The following ADGRL3 variants were observed in gnomAD, a reference collection of about 807,000 sequenced individuals.
ADGRL3 encodes adhesion G protein-coupled receptor L3, also known as calcium-independent alpha-latrotoxin receptor 3.
In ADGRL3, 62 loss-of-function variants were observed where a neutral mutation model predicts 153.5. The observed-to-expected ratio is 0.40, with a 90% CI of 0.33 to 0.50. ADGRL3 has a LOEUF of 0.50. ADGRL3 is among the 20% of genes least tolerant of loss of function. ADGRL3 has a pLI of 0.47. For missense variants in ADGRL3, 1,641 were observed against 1,859.4 expected (o/e 0.88, Z 2.16); for synonymous variants, 710 against 672.5 (o/e 1.06, Z -0.86).
rs1271747414 is a variant in ADGRL3, at chr4:61,415,188, A to G, written c.-174+31999A>G. Reference sequence around the variant, plus strand: ...CTATTTTTGGCCTATTTCTATTATAATATCAAGGACCTCAGCTGAGATACT... The same window carrying G: ...CTATTTTTGGCCTATTTCTATTATAGTATCAAGGACCTCAGCTGAGATACT... On this transcript the variant is annotated intron_variant, in intron 2 of 26. Coordinates refer to ENST00000683033, the MANE Select transcript of ADGRL3 (RefSeq NM_001387552.1). Among the ~76,000 whole-genome samples the G allele has an allele frequency of 2.0e-5, 3 of 151,938 alleles. No individual in the cohort carries two copies. In the East Asian group the frequency reaches 5.8e-4, roughly 29 times the overall value.
intron 1 of ADGRL3, among the ~76,000 whole-genome samples, chr4:61,378,088 G>C (rs1468677916): frequency 6.6e-6 from 1 of 151,834 alleles, no homozygotes; most frequent in African/African-American, 2.4e-5. Context: ...TATTTACTAA[G>C]ATTTGTTTTT....
At position 61,648,524 on chromosome 4, in the gene ADGRL3, GT is replaced by G. The variant is rs67817156; in HGVS notation, c.474-28293del. On this transcript the variant is annotated intron_variant, in intron 5 of 26. Coordinates refer to ENST00000683033, the MANE Select transcript of ADGRL3 (RefSeq NM_001387552.1). ...ATTAATTTGCATTAGGAATTTTTTT[GT>G]TTTTTTTTCTGTTTCTTTTGGGGTT... is the stretch of plus-strand genomic sequence containing the variant. Among the ~76,000 whole-genome samples the G allele has an allele frequency of 2.0e-5, 3 of 147,602 alleles. No individual in the cohort carries two copies. In the East Asian group the frequency reaches 6.0e-4, roughly 30 times the overall value.
intron 4 of ADGRL3, among the ~76,000 whole-genome samples, chr4:61,564,603 T>C (rs966833949): frequency 6.6e-6 from 1 of 152,210 alleles, no homozygotes; most frequent in South Asian, 2.1e-4. Context: ...CATATGTGAC[T>C]GGAATATCCT....
chr4:61,686,976 ATTC>A (rs1334113454), intron 6 of ADGRL3, among the ~76,000 whole-genome samples: 6 of 152,078 alleles, frequency 3.9e-5, no homozygotes, highest in South Asian at 4.1e-4. Context: ...ACAGAATTAT[ATTC>A]TTTTTTATGT....
intron 1 of ADGRL3, among the ~76,000 whole-genome samples, chr4:61,222,140 T>C (rs115216365): frequency 0.019 from 2,939 of 152,262 alleles, 104 homozygotes; most frequent in African/African-American, 0.066. Context: ...TAATCTCATA[T>C]TGAGATGCCT....
chr4:61,721,186 G>A (rs1019600110), intron 6 of ADGRL3, among the ~76,000 whole-genome samples: 2 of 152,104 alleles, frequency 1.3e-5, no homozygotes, highest in African/African-American at 2.4e-5. Context: ...TATGTGAAGG[G>A]GAGTTTATTA....
intron 1 of ADGRL3, among the ~76,000 whole-genome samples, chr4:61,250,812 A>T (rs1758938424): frequency 6.6e-6 from 1 of 152,200 alleles, no homozygotes; most frequent in Admixed American, 6.6e-5. Context: ...AAGGTCACTT[A>T]AATGCCTAAA....
At chr4:61,842,113 CT>C (rs1289208403) in intron 9 of ADGRL3, among the ~76,000 whole-genome samples, 1 of 151,968 alleles carries the variant, frequency 6.6e-6, no homozygotes, top group Non-Finnish European at 1.5e-5. Context: ...TAAAAAGGCA[CT>C]AGTGAATAAA....
intron 9 of ADGRL3, among the ~76,000 whole-genome samples, chr4:61,886,987 T>C (rs1269991618): frequency 6.6e-6 from 1 of 151,760 alleles, no homozygotes; most frequent in African/African-American, 2.4e-5. Flanking sequence ...AGTGAGACTA[T>C]AGACACCCAC....
At chr4:61,458,273 T>C (rs2097774818) in intron 2 of ADGRL3, among the ~76,000 whole-genome samples, 1 of 151,468 alleles carries the variant, frequency 6.6e-6, no homozygotes, top group Non-Finnish European at 1.5e-5. Flanking sequence ...ATGAAAAACT[T>C]ATTTATTTCA....
intron 5 of ADGRL3, among the ~76,000 whole-genome samples, chr4:61,673,167 T>G (rs1248950586): frequency 6.6e-6 from 1 of 151,872 alleles, no homozygotes; most frequent in Non-Finnish European, 1.5e-5. Flanking sequence ...AATGGTAGTT[T>G]CCAGAAGCTA....
At chr4:61,966,047 A>G (rs1174125784) in intron 17 of ADGRL3, among the ~76,000 whole-genome samples, 1 of 152,190 alleles carries the variant, frequency 6.6e-6, no homozygotes, top group Admixed American at 6.5e-5. Context: ...CTTAAAATGC[A>G]ATACATTTAT....
chr4:61,983,258 C>T, intron 18 of ADGRL3, 125 bp from the exon 19 acceptor site: 7 of 652,366 alleles, frequency 1.1e-5, no homozygotes, highest in Middle Eastern at 4.3e-4. Flanking sequence ...AAGAATCTTC[C>T]CTAGGTTATT....
intron 1 of ADGRL3, among the ~76,000 whole-genome samples, chr4:61,362,802 G>T (rs2096309949): frequency 6.6e-6 from 1 of 151,908 alleles, no homozygotes; most frequent in African/African-American, 2.4e-5. Flanking sequence ...TGTTGTTTAA[G>T]AGTCAAACTA....
chr4:61,900,544 T>TA (rs2098658684), intron 11 of ADGRL3, among the ~76,000 whole-genome samples: 1 of 151,856 alleles, frequency 6.6e-6, no homozygotes, highest in Admixed American at 6.6e-5. Flanking sequence ...TGAGATTTAA[T>TA]AAAAAACATA....
At chr4:61,292,340 G>T (rs2094251658) in intron 1 of ADGRL3, among the ~76,000 whole-genome samples, 1 of 152,048 alleles carries the variant, frequency 6.6e-6, no homozygotes, top group South Asian at 2.1e-4. Flanking sequence ...TGATAAAAAT[G>T]AGTATAATAA....
rs1553928649 is a variant in ADGRL3 at position 61,433,356 on chromosome 4, C to CTATT, written c.-174+50168_-174+50169insATTT. Among the ~76,000 whole-genome samples the CTATT allele has an allele frequency of 3.1e-4, 32 of 101,928 alleles. No homozygotes were observed. The East Asian group carries it at 5.5e-3, about 18-fold the overall frequency. The allele number at this position is 101,928 out of a possible 152,430, so 66.9% of individuals were successfully genotyped here. On this transcript the variant is annotated intron_variant, in intron 2 of 26. Coordinates refer to ENST00000683033, the MANE Select transcript of ADGRL3 (RefSeq NM_001387552.1). Reference sequence around the variant, plus strand: ...TTTGTAGTTTCAGGACTGTGAATAGCTTTTTTTTTAAAAAAAAATCAGGCC... The same window carrying CTATT: ...TTTGTAGTTTCAGGACTGTGAATAGCTATTTTTTTTTTTAAAAAAAAATCAGGCC...
At chr4:61,544,163 C>A (rs1008447560) in intron 4 of ADGRL3, among the ~76,000 whole-genome samples, 1 of 152,160 alleles carries the variant, frequency 6.6e-6, no homozygotes, top group African/African-American at 2.4e-5. Context: ...TGACCATTCT[C>A]CAGAATGACG....
chr4:62,030,448 T>C (rs1721398592), intron 22 of ADGRL3, among the ~76,000 whole-genome samples: 1 of 151,618 alleles, frequency 6.6e-6, no homozygotes, highest in Admixed American at 6.6e-5. Context: ...TCCCATATAC[T>C]TGGGAGTTGA....
Sources: gnomAD v4.1 joint callset for allele counts (sites outside exome capture counted in the v4.1 genomes callset) on GRCh38, gnomAD v4.1.1 for gene constraint, MANE v1.5 for transcripts, NCBI Gene and HGNC (gene_info 2026-07-23, HGNC 2026-07-21) for gene names.